ADGB: variants seen among roughly 807,000 people sequenced by gnomAD.
ADGB encodes calpain-7-like protein.
ADGB carries 172 observed loss-of-function variants against 210.5 expected under a neutral mutation model. That is an observed-to-expected ratio of 0.82 (90% CI 0.72 to 0.93). ADGB has a LOEUF of 0.93. Among genes scored for constraint, ADGB ranks in the 40% least tolerant of loss-of-function variants. The pLI, the probability that ADGB is intolerant of heterozygous loss-of-function variation, is 0.00. For synonymous variants in ADGB, 658 were observed against 662.7 expected, an observed-to-expected ratio of 0.99 and a Z score of 0.11; for missense variants, 2,025 against 1,964.8, an observed-to-expected ratio of 1.03 and a Z score of -0.58.
At chr6:146,691,477 A>AAAAAATATAT (rs1342320983) in intron 11 of ADGB, among the ~76,000 whole-genome samples, 187 bp downstream of exon 11, 1 of 18,568 alleles carries the variant, frequency 5.4e-5, no homozygotes, top group African/African-American at 4.3e-4. Context: ...TATATATATA[A>AAAAAATATAT]ATATATATAT....
At chr6:146,811,238 G>A (rs1393571932) in intron 35 of ADGB, among the ~76,000 whole-genome samples, 2 of 151,872 alleles carry the variant, frequency 1.3e-5, no homozygotes, top group African/African-American at 4.8e-5. Flanking sequence ...TTATATACTG[G>A]TTTGTTTTAC....
At chr6:146,657,914 C>T (rs1775807666) in intron 5 of ADGB, among the ~76,000 whole-genome samples, 1 of 152,162 alleles carries the variant, frequency 6.6e-6, no homozygotes, top group African/African-American at 2.4e-5. Context: ...TATGGCAAAG[C>T]AGACACACAC....
At chr6:146,769,610 G>A (rs565583689) in intron 29 of ADGB, among the ~76,000 whole-genome samples, 58 of 152,172 alleles carry the variant, frequency 3.8e-4, no homozygotes, top group African/African-American at 1.3e-3. Context: ...TGGCCAGGAA[G>A]CTTGTTGCTT....
chr6:146,728,811 G>T, intron 20 of ADGB, 70 bp downstream of exon 20: 1 of 1,272,998 alleles, frequency 7.9e-7, no homozygotes, highest in Non-Finnish European at 1.1e-6. Flanking sequence ...CTTCCATTAG[G>T]TGACCTCCCA....
chr6:146,750,648 A>G (rs1252570053), intron 26 of ADGB, among the ~76,000 whole-genome samples: 1 of 152,174 alleles, frequency 6.6e-6, no homozygotes, highest in Non-Finnish European at 1.5e-5. Flanking sequence ...AAGTTGATAG[A>G]GTCCTAAGCA....
At chr6:146,707,988 A>G (rs1776599871) in intron 13 of ADGB, among the ~76,000 whole-genome samples, 2 of 151,992 alleles carry the variant, frequency 1.3e-5, no homozygotes, top group South Asian at 4.1e-4. Context: ...TGTATCTACT[A>G]TAGGTTGTAA....
chr6:146,722,679 C>T (rs2114573438), intron 17 of ADGB, among the ~76,000 whole-genome samples: 1 of 152,316 alleles, frequency 6.6e-6, no homozygotes, highest in Non-Finnish European at 1.5e-5. Flanking sequence ...AAATCTTCAA[C>T]ACCTACTCTT....
At chr6:146,665,793 T>A (rs73785199) in intron 6 of ADGB, among the ~76,000 whole-genome samples, 1 of 152,102 alleles carries the variant, frequency 6.6e-6, no homozygotes, top group African/African-American at 2.4e-5. Flanking sequence ...TTTTTTCAGA[T>A]TTTTACAGTA....
In ADGB at chr6:146,678,787, C is replaced by T. The variant is rs146291001; in HGVS notation, c.1216+2346C>T. Among the ~76,000 whole-genome samples, 265 of 152,212 alleles carry T rather than the reference C, an allele frequency of 1.7e-3. 4 individuals carry two copies. In the East Asian group the frequency reaches 0.027, roughly 15 times the overall value. ...AATGCATATCCTAATAATGACTTGACATTTAAGATTTCATTTTGTTATTTT... is the reference window on the plus strand; with the variant it reads ...AATGCATATCCTAATAATGACTTGATATTTAAGATTTCATTTTGTTATTTT... On this transcript the variant is annotated intron_variant, in intron 9 of 35. Transcript: ENST00000397944.
intron 27 of ADGB, among the ~76,000 whole-genome samples, chr6:146,761,568 A>C (rs567309968): frequency 6.6e-6 from 1 of 152,210 alleles, no homozygotes; most frequent in Non-Finnish European, 1.5e-5. Flanking sequence ...CCATGAACAC[A>C]GTACATCCCT....
At chr6:146,709,906 A>G (rs1224506016) in intron 13 of ADGB, among the ~76,000 whole-genome samples, 4 of 152,104 alleles carry the variant, frequency 2.6e-5, no homozygotes, top group African/African-American at 9.7e-5. Flanking sequence ...TTTAGCTCTT[A>G]TGAAGATATT....
chr6:146,673,574 A>C (rs4896881), intron 8 of ADGB, among the ~76,000 whole-genome samples: 118,370 of 152,052 alleles, frequency 0.78, 47,015 homozygotes, highest in African/African-American at 0.94. Flanking sequence ...CTTTAAAAAT[A>C]AAAAGCAATT....
intron 3 of ADGB, among the ~76,000 whole-genome samples, chr6:146,651,634 T>C (rs940751805): frequency 6.6e-6 from 1 of 152,172 alleles, no homozygotes; most frequent in Non-Finnish European, 1.5e-5. Context: ...ATCATTGATA[T>C]CATCTTGACT....
intron 1 of ADGB, among the ~76,000 whole-genome samples, chr6:146,613,695 A>G (rs1780744243): frequency 6.6e-6 from 1 of 152,172 alleles, no homozygotes; most frequent in Non-Finnish European, 1.5e-5. Context: ...TAGTGGCTTT[A>G]TACCTTTGCA....
chr6:146,642,395 G>C (rs541859632), intron 2 of ADGB, among the ~76,000 whole-genome samples: 3 of 151,904 alleles, frequency 2.0e-5, no homozygotes, highest in South Asian at 4.2e-4. Context: ...TATATACCCA[G>C]AGCAACATAA....
At chr6:146,729,406 C>T (rs568246611) in intron 20 of ADGB, among the ~76,000 whole-genome samples, 21 of 152,068 alleles carry the variant, frequency 1.4e-4, no homozygotes, top group Middle Eastern at 3.4e-3. Flanking sequence ...GCAGAAAAGC[C>T]GTCAGGTCAT....
rs74653975 is a variant in ADGB, at chr6:146,682,971, G to A, written c.1217-2763G>A. Among the ~76,000 whole-genome samples, 65 of 152,102 alleles carry A rather than the reference G, an allele frequency of 4.3e-4. 1 individual carries two copies. In the East Asian group the frequency reaches 0.011, roughly 26 times the overall value. On this transcript the variant is annotated intron_variant, in intron 9 of 35. Transcript: ENST00000397944. ...CCCCAATGCAACCATATTGGGAGGT[G>A]GGGCCTAATGAGAGGTAATTAGGCC... is the stretch of plus-strand genomic sequence containing the variant.
At chr6:146,607,785 T>C (rs1027434831) in intron 1 of ADGB, among the ~76,000 whole-genome samples, 1 of 152,188 alleles carries the variant, frequency 6.6e-6, no homozygotes, top group Non-Finnish European at 1.5e-5. Context: ...CTGCTGGATT[T>C]GGTTTGTTAG....
chr6:146,733,983 T>G lies in ADGB; in HGVS notation c.2747T>G (p.Met916Arg), dbSNP rs1198405696. ...EVAAAIKIQAMWRGTYVRLLM... is the reference protein window; with the variant it reads ...EVAAAIKIQARWRGTYVRLLM... ...GCAGCAGCAATTAAAATTCAAGCCA[T>G]GTGGAGAGGAACTTACGTTAGATTG... The change falls in exon 22 of 36, where the codon ATG becomes AGG. Residue 916 changes from methionine (M) to arginine (R), a missense_variant. Coordinates refer to ENST00000397944, the MANE Select transcript of ADGB (RefSeq NM_024694.4). 4 of 1,551,454 alleles carry G rather than the reference T, an allele frequency of 2.6e-6. No individual in the cohort carries two copies. The highest frequency in any genetic ancestry group is 1.7e-6 in the Non-Finnish European group (2 of 1,146,930).
Sources: gnomAD v4.1 joint callset for allele counts (sites outside exome capture counted in the v4.1 genomes callset) on GRCh38, gnomAD v4.1.1 for gene constraint, MANE v1.5 for transcripts, NCBI Gene and HGNC (gene_info 2026-07-23, HGNC 2026-07-21) for gene names.